CLTC: variants seen among roughly 807,000 people sequenced by gnomAD.
CLTC encodes clathrin heavy chain 1.
In CLTC, 16 loss-of-function variants were observed where a neutral mutation model predicts 195.8. That is an observed-to-expected ratio of 0.08 (90% CI 0.06 to 0.12). The LOEUF (loss-of-function observed/expected upper bound fraction) is 0.12, where lower values mean the gene tolerates loss of function less well. CLTC is among the 10% of genes least tolerant of loss of function. The pLI is 1.00. For synonymous variants in CLTC, 667 were observed against 689.4 expected (o/e 0.97, Z 0.51); for missense variants, 796 against 2,027.0 (o/e 0.39, Z 11.66).
chr17:59,636,231 G>A (rs957587426), intron 1 of CLTC, among the ~76,000 whole-genome samples: 3 of 152,018 alleles, frequency 2.0e-5, no homozygotes, highest in Non-Finnish European at 4.4e-5. Context: ...CTAAGTGCTT[G>A]ATGTGTGTTA....
At chr17:59,692,119 C>A (rs1018336371) in intron 31 of CLTC, among the ~76,000 whole-genome samples, 1 of 152,138 alleles carries the variant, frequency 6.6e-6, no homozygotes, top group Non-Finnish European at 1.5e-5. Context: ...GAGATCAAGA[C>A]CATCCTGGCC....
At chr17:59,660,628 C>T in intron 7 of CLTC, 40 bp downstream of exon 7, 2 of 1,575,338 alleles carry the variant, frequency 1.3e-6, no homozygotes, top group South Asian at 1.1e-5. Flanking sequence ...GACATTAATC[C>T]ATTGTTAATA....
intron 31 of CLTC, among the ~76,000 whole-genome samples, chr17:59,693,359 T>C (rs1177572972): frequency 5.9e-5 from 4 of 67,656 alleles, no homozygotes; most frequent in African/African-American, 1.1e-4. Flanking sequence ...AGAGCCAGAT[T>C]CTTTTTTTTT....
chr17:59,674,897 T>A, intron 16 of CLTC, 54 bp downstream of exon 16: 3 of 1,524,782 alleles, frequency 2.0e-6, no homozygotes, highest in Non-Finnish European at 2.7e-6. Context: ...TGGCAATAGA[T>A]AAAAATATAG....
At chr17:59,625,795 C>T (rs2031531559) in intron 1 of CLTC, among the ~76,000 whole-genome samples, 1 of 152,184 alleles carries the variant, frequency 6.6e-6, no homozygotes, top group Non-Finnish European at 1.5e-5. Flanking sequence ...AACCACATTT[C>T]AAGTGCTCAT....
At chr17:59,650,453 G>C (rs1210241584) in intron 4 of CLTC, among the ~76,000 whole-genome samples, 1 of 148,314 alleles carries the variant, frequency 6.7e-6, no homozygotes, top group Non-Finnish European at 1.5e-5. Context: ...TAGATTATTT[G>C]AGGTATGATT....
chr17:59,693,600 C>G, intron 31 of CLTC, 128 bp from the exon 32 acceptor site: 1 of 1,106,630 alleles, frequency 9.0e-7, no homozygotes, highest in Non-Finnish European at 1.3e-6. Context: ...AATGTGCCCC[C>G]CATACAACTC....
At chr17:59,691,549 G>A (rs1001665662) in intron 31 of CLTC, among the ~76,000 whole-genome samples, 2 of 151,416 alleles carry the variant, frequency 1.3e-5, no homozygotes, top group African/African-American at 4.9e-5. Context: ...GCTTGAACCC[G>A]GGAGGCAGAG....
At chr17:59,637,726 C>G (rs533789866) in intron 1 of CLTC, among the ~76,000 whole-genome samples, 1 of 147,174 alleles carries the variant, frequency 6.8e-6, no homozygotes, top group Non-Finnish European at 1.5e-5. Context: ...ATTAGCTGGG[C>G]ATGGTGGCGT....
At chr17:59,646,602 T>G (rs1442732977) in intron 2 of CLTC, among the ~76,000 whole-genome samples, 1 of 152,200 alleles carries the variant, frequency 6.6e-6, no homozygotes, top group East Asian at 1.9e-4. Context: ...CTCTATTAAT[T>G]TATACCAAAT....
chr17:59,635,199 A>G (rs2031828242), intron 1 of CLTC, among the ~76,000 whole-genome samples: 1 of 152,232 alleles, frequency 6.6e-6, no homozygotes, highest in Non-Finnish European at 1.5e-5. Context: ...GCTCATACAT[A>G]CTTCCTTTAC....
At chr17:59,653,733 A>C (rs1476888933) in intron 5 of CLTC, among the ~76,000 whole-genome samples, 1 of 150,712 alleles carries the variant, frequency 6.6e-6, no homozygotes, top group Non-Finnish European at 1.5e-5. Flanking sequence ...TGGCTACTTA[A>C]AAAATATTTT....
chr17:59,666,770 C>T lies in CLTC; in HGVS notation c.1948-27C>T. The T allele has an allele frequency of 6.3e-7, 1 of 1,581,766 alleles. No individual in the cohort carries two copies. Among genetic ancestry groups the T allele is most frequent in the Non-Finnish European group, 8.6e-7 (1 of 1,158,404 alleles). ...GAGGTTCAACATTATTTCATTTATT[C>T]ATTCATTCATTTATTTTGTCTTGTA... On this transcript the variant is annotated intron_variant, in intron 12 of 31. Coordinates refer to ENST00000269122, the MANE Select transcript of CLTC (RefSeq NM_004859.4). This position sits in a 1 kb window ranked among gnomAD's most constrained non-coding sequence, Gnocchi z 4.9.
At chr17:59,642,041 A>G (rs1291307370) in intron 1 of CLTC, among the ~76,000 whole-genome samples, 1 of 144,790 alleles carries the variant, frequency 6.9e-6, no homozygotes, top group East Asian at 2.0e-4. Flanking sequence ...AAATACCCTG[A>G]GGCTGAAGGT....
Position 59,648,504 on chromosome 17 carries a change from AT to A in CLTC, c.681+107del. ...AAATAGCCTTCTCCCTTCCTAAGTAATTTTAGTATTCACATTTGTGGTGACT... is the reference window on the plus strand; with the variant it reads ...AAATAGCCTTCTCCCTTCCTAAGTAATTTAGTATTCACATTTGTGGTGACT... On this transcript the variant is annotated intron_variant, in intron 4 of 31. Coordinates refer to ENST00000269122, the MANE Select transcript of CLTC (RefSeq NM_004859.4). The surrounding 1 kb of genome is among the most constrained non-coding windows in gnomAD (Gnocchi z 4.5). 9.0e-7 allele frequency: 1 copy of A among 1,108,270 alleles called. No homozygotes were observed. The highest frequency in any genetic ancestry group is 1.3e-6 in the Non-Finnish European group (1 of 768,460). The allele number at this position is 1,108,270 out of a possible 1,614,324, so 68.7% of individuals were successfully genotyped here.
chr17:59,682,438 C>T lies in CLTC; in HGVS notation c.3600+10C>T. ...TGCTCATATCCAACAAGTGGGTTTC[C>T]TTTTCAGATTTAAGAAAAACTAGTT... On this transcript the variant is annotated intron_variant, in intron 22 of 31. Coordinates refer to ENST00000269122, the MANE Select transcript of CLTC (RefSeq NM_004859.4). The surrounding 1 kb of genome is among the most constrained non-coding windows in gnomAD (Gnocchi z 6.8). 6.2e-7 allele frequency: 1 copy of T among 1,613,582 alleles called. No individual in the cohort carries two copies. The highest frequency in any genetic ancestry group is 1.3e-5 in the African/African-American group (1 of 74,962).
In CLTC at chr17:59,680,947, T is replaced by G; in HGVS notation, c.2955T>G (p.Pro985=). The G allele has an allele frequency of 6.2e-7, 1 of 1,613,900 alleles. No individual in the cohort carries two copies. The highest frequency in any genetic ancestry group is 2.2e-5 in the East Asian group (1 of 44,864). Residue 985 remains proline, a synonymous_variant, in exon 19 of 32, where the codon CCT becomes CCG. Coordinates refer to ENST00000269122, the MANE Select transcript of CLTC (RefSeq NM_004859.4). Reference sequence around the variant, plus strand: ...CAGCTTTGTCTGAGACTCAGGACCCTGAAGAAGTGTCAGTAACTGTAAAGG... The same window carrying G: ...CAGCTTTGTCTGAGACTCAGGACCCGGAAGAAGTGTCAGTAACTGTAAAGG... The part of the protein sequence containing the change: ...VQTALSETQD[P]EEVSVTVKAF...
At chr17:59,635,709 C>T (rs1032574621) in intron 1 of CLTC, among the ~76,000 whole-genome samples, 1 of 152,178 alleles carries the variant, frequency 6.6e-6, no homozygotes, top group Non-Finnish European at 1.5e-5. Context: ...GGACCATGGC[C>T]TCTTTGGTCC....
intron 30 of CLTC, among the ~76,000 whole-genome samples, chr17:59,686,556 C>T (rs1171586727): frequency 6.6e-6 from 1 of 152,134 alleles, no homozygotes; most frequent in East Asian, 1.9e-4. Context: ...CCAACAACCC[C>T]TCCCATACTG....
Sources: gnomAD v4.1 joint callset for allele counts (sites outside exome capture counted in the v4.1 genomes callset) on GRCh38, gnomAD v4.1.1 for gene constraint, Gnocchi (gnomAD v3.1) non-coding constraint, MANE v1.5 for transcripts, NCBI Gene and HGNC (gene_info 2026-07-23, HGNC 2026-07-21) for gene names.